NEK7: variants seen among roughly 807,000 people sequenced by gnomAD.
NEK7 encodes the protein NIMA related kinase 7.
NEK7 carries 18 observed loss-of-function variants against 44.6 expected under a neutral mutation model. That is an observed-to-expected ratio of 0.40 (90% CI 0.28 to 0.60). The LOEUF (loss-of-function observed/expected upper bound fraction) is 0.60, where lower values mean the gene tolerates loss of function less well. Among genes scored for constraint, NEK7 ranks in the 20% least tolerant of loss-of-function variants. NEK7 has a pLI of 0.38. For missense variants in NEK7, 256 were observed against 366.5 expected, an observed-to-expected ratio of 0.70 and a Z score of 2.46; for synonymous variants, 130 against 121.1, an observed-to-expected ratio of 1.07 and a Z score of -0.48.
chr1:198,171,100 T>C (rs1479637339), intron 1 of NEK7, among the ~76,000 whole-genome samples: 3 of 152,002 alleles, frequency 2.0e-5, no homozygotes, highest in African/African-American at 7.3e-5. Flanking sequence ...GTTTATGAGA[T>C]ATATGAAGGA....
chr1:198,264,386 G>A (rs1359666764), intron 5 of NEK7, 151 bp downstream of exon 5: 2 of 437,844 alleles, frequency 4.6e-6, no homozygotes, highest in African/African-American at 2.5e-5. Context: ...TAGATGGTTA[G>A]TGATCATAAT....
At chr1:198,248,714 T>G (rs1666903681) in intron 2 of NEK7, among the ~76,000 whole-genome samples, 1 of 152,110 alleles carries the variant, frequency 6.6e-6, no homozygotes, top group South Asian at 2.1e-4. Context: ...ACTAAATGAT[T>G]ATGTATTTTT....
intron 2 of NEK7, among the ~76,000 whole-genome samples, chr1:198,251,359 C>T (rs1420546544): frequency 1.4e-5 from 2 of 145,156 alleles, no homozygotes; most frequent in African/African-American, 5.2e-5. Flanking sequence ...TGTCTCTGCC[C>T]GGCTTTGGTA....
chr1:198,165,431 T>C (rs1664235741), intron 1 of NEK7, among the ~76,000 whole-genome samples: 1 of 152,240 alleles, frequency 6.6e-6, no homozygotes, highest in Admixed American at 6.5e-5. Context: ...CCGTGGGCTG[T>C]AGAATGGATG....
intron 1 of NEK7, among the ~76,000 whole-genome samples, chr1:198,164,085 GCAACAA>G (rs141795666): frequency 3.6e-4 from 55 of 151,984 alleles, no homozygotes; most frequent in African/African-American, 1.1e-3. Flanking sequence ...TACTAAAAAT[GCAACAA>G]CAACAACAAC....
intron 9 of NEK7, among the ~76,000 whole-genome samples, chr1:198,299,569 G>T (rs1351411628): frequency 6.6e-6 from 1 of 152,102 alleles, no homozygotes; most frequent in Non-Finnish European, 1.5e-5. Context: ...AGTTTATTTT[G>T]TTAATTTTAT....
intron 2 of NEK7, among the ~76,000 whole-genome samples, chr1:198,240,830 G>A (rs1450617844): frequency 6.6e-6 from 1 of 152,084 alleles, no homozygotes; most frequent in Admixed American, 6.6e-5. Flanking sequence ...TGAGTAGCTG[G>A]GATTACAGGT....
At chr1:198,217,266 T>G (rs1376392971) in intron 1 of NEK7, among the ~76,000 whole-genome samples, 2 of 151,850 alleles carry the variant, frequency 1.3e-5, no homozygotes, top group African/African-American at 4.8e-5. Flanking sequence ...CATGATCAAG[T>G]GGGTTGCAGG....
chr1:198,235,885 A>G (rs1447695031), intron 2 of NEK7, among the ~76,000 whole-genome samples: 1 of 152,162 alleles, frequency 6.6e-6, no homozygotes, highest in African/African-American at 2.4e-5. Flanking sequence ...CTGTGGGTAG[A>G]AAAAACAGAT....
chr1:198,209,108 C>CAT (rs59510207), intron 1 of NEK7, among the ~76,000 whole-genome samples: 48,939 of 146,344 alleles, frequency 0.33, 9,467 homozygotes, highest in East Asian at 0.8. Flanking sequence ...TGTACACACA[C>CAT]ATGTAATATA....
At chr1:198,312,006 A>T (rs1022596578) in intron 9 of NEK7, among the ~76,000 whole-genome samples, 6 of 152,244 alleles carry the variant, frequency 3.9e-5, no homozygotes, top group African/African-American at 1.2e-4. Flanking sequence ...TAGTTTCAGA[A>T]GGAATGGTAC....
chr1:198,307,875 G>T (rs1161664432), intron 9 of NEK7, among the ~76,000 whole-genome samples: 1 of 151,970 alleles, frequency 6.6e-6, no homozygotes, highest in Non-Finnish European at 1.5e-5. Context: ...GCTGTATTAA[G>T]CATCATGAGA....
chr1:198,173,037 T>C (rs1243595746), intron 1 of NEK7, among the ~76,000 whole-genome samples: 1 of 151,892 alleles, frequency 6.6e-6, no homozygotes, highest in African/African-American at 2.4e-5. Context: ...TGGCCTGGAG[T>C]AGAGCTCTGG....
intron 5 of NEK7, among the ~76,000 whole-genome samples, chr1:198,274,151 C>A (rs1055197625): frequency 6.6e-6 from 1 of 151,218 alleles, no homozygotes; most frequent in African/African-American, 2.4e-5. Context: ...GCAGCTGGTG[C>A]CTGTAATTCT....
intron 3 of NEK7, among the ~76,000 whole-genome samples, chr1:198,256,691 T>C (rs1316237279): frequency 2.6e-5 from 4 of 152,048 alleles, no homozygotes; most frequent in Non-Finnish European, 5.9e-5. Context: ...ACTCATGGGA[T>C]TCTAGTGGGG....
chr1:198,301,027 A>G (rs1654866348), intron 9 of NEK7, among the ~76,000 whole-genome samples: 1 of 152,218 alleles, frequency 6.6e-6, no homozygotes, highest in African/African-American at 2.4e-5. Context: ...TAGTCATCAA[A>G]ATTATCTATT....
chr1:198,278,254 A>ATCT (rs57007763), intron 6 of NEK7, among the ~76,000 whole-genome samples, 185 bp downstream of exon 6: 20,757 of 150,426 alleles, frequency 0.14, 2,124 homozygotes, highest in East Asian at 0.57. Flanking sequence ...ATGTAAATTA[A>ATCT]TCTGCTTGAC....
chr1:198,208,889 CCA>C (rs1665677798), intron 1 of NEK7, among the ~76,000 whole-genome samples: 2 of 152,134 alleles, frequency 1.3e-5, no homozygotes, highest in South Asian at 4.1e-4. Flanking sequence ...AACTGCATTT[CCA>C]CAGTTTGCAT....
chr1:198,236,986 C>T (rs1666558514), intron 2 of NEK7, among the ~76,000 whole-genome samples: 1 of 152,178 alleles, frequency 6.6e-6, no homozygotes, highest in African/African-American at 2.4e-5. Context: ...CACACTGTGC[C>T]ACCTAAGCTG....
Sources: allele counts gnomAD v4.1 joint callset (sites outside exome capture counted in the v4.1 genomes callset), GRCh38; gene constraint gnomAD v4.1.1; transcripts MANE v1.5; gene names NCBI Gene and HGNC (gene_info 2026-07-23, HGNC 2026-07-21).